PHACTR1: variants seen among roughly 807,000 people sequenced by gnomAD.
PHACTR1 encodes the protein RPEL repeat containing 1.
A neutral mutation model predicts 69.2 loss-of-function variants in PHACTR1; 16 were observed. The observed-to-expected ratio is 0.23, with a 90% CI of 0.16 to 0.35. The LOEUF (loss-of-function observed/expected upper bound fraction) is 0.35, where lower values mean the gene tolerates loss of function less well. Ranked by LOEUF, PHACTR1 falls within the 10% of genes least tolerant of loss-of-function variation. The pLI is 1.00. For missense variants in PHACTR1, 510 were observed against 734.7 expected (o/e 0.69, Z 3.54); for synonymous variants, 312 against 284.5 (o/e 1.10, Z -0.97).
intron 4 of PHACTR1, among the ~76,000 whole-genome samples, chr6:12,792,293 C>T (rs941772710): frequency 2.0e-5 from 3 of 151,024 alleles, no homozygotes; most frequent in South Asian, 2.1e-4. Context: ...GGAGAAACCC[C>T]GTCTCTACCA....
chr6:12,963,604 C>T (rs1165636569), intron 4 of PHACTR1, among the ~76,000 whole-genome samples: 2 of 152,114 alleles, frequency 1.3e-5, no homozygotes, highest in Admixed American at 1.3e-4. Flanking sequence ...GGATTTGTTC[C>T]CTGGGAGTTA....
chr6:13,237,812 A>C (rs1474063642), intron 10 of PHACTR1, among the ~76,000 whole-genome samples: 2 of 152,238 alleles, frequency 1.3e-5, no homozygotes, highest in Non-Finnish European at 2.9e-5. Context: ...TTGCTCCTCA[A>C]CTACAAACCT....
intron 5 of PHACTR1, among the ~76,000 whole-genome samples, chr6:13,067,129 A>G (rs1025907487): frequency 6.6e-6 from 1 of 152,218 alleles, no homozygotes; most frequent in African/African-American, 2.4e-5. Flanking sequence ...CAGCAGGAGC[A>G]ATCTTCTGTT....
At chr6:12,941,745 A>C (rs919149429) in intron 4 of PHACTR1, among the ~76,000 whole-genome samples, 5 of 152,192 alleles carry the variant, frequency 3.3e-5, no homozygotes, top group Non-Finnish European at 5.9e-5. Flanking sequence ...GTCAGAGCCC[A>C]GGGCAGATTC....
intron 6 of PHACTR1, among the ~76,000 whole-genome samples, chr6:13,177,997 C>T (rs55866305): frequency 0.017 from 2,580 of 152,304 alleles, 80 homozygotes; most frequent in African/African-American, 0.059. Context: ...ACTCTCCTAA[C>T]ATCTTTGTTT....
chr6:12,958,080 T>C, intron 4 of PHACTR1: 1 of 931,216 alleles, frequency 1.1e-6, no homozygotes, highest in Non-Finnish European at 1.3e-6. Context: ...CTTTTGTTTA[T>C]TTGTTAGATG....
intron 4 of PHACTR1, among the ~76,000 whole-genome samples, chr6:12,789,104 C>T (rs1315182576): frequency 1.3e-5 from 2 of 152,180 alleles, no homozygotes; most frequent in Admixed American, 6.5e-5. Context: ...CTCGTTTCCT[C>T]TTGAATCACC....
rs117753984 is a variant in PHACTR1 at position 12,788,248 on chromosome 6, A to G, written c.250+38458A>G. Among the ~76,000 whole-genome samples, 175 of 117,314 alleles carry G rather than the reference A, an allele frequency of 1.5e-3. 3 individuals carry two copies. The East Asian group carries it at 0.033, about 22-fold the overall frequency. 77.0% of individuals were successfully genotyped at this position (117,314 alleles called of 152,430 possible). A position where few individuals can be genotyped will look rare whatever the true frequency, so the allele number is the denominator to read the frequency against. On this transcript the variant is annotated intron_variant, in intron 4 of 14. Transcript: ENST00000332995. ...CCCAAGTTCCCTACCTCATCAGCTG[A>G]TGTAACTAAGTGGTGATATTTCCAA...
chr6:13,262,728 C>T (rs1294353529), intron 10 of PHACTR1, among the ~76,000 whole-genome samples: 29 of 152,208 alleles, frequency 1.9e-4, no homozygotes, highest in Admixed American at 1.6e-3. Context: ...ATCTACACTT[C>T]TGGATACCTG....
chr6:12,854,926 G>T (rs1015013424), intron 4 of PHACTR1, among the ~76,000 whole-genome samples: 2 of 152,274 alleles, frequency 1.3e-5, no homozygotes, highest in African/African-American at 4.8e-5. Flanking sequence ...GGGAATATAC[G>T]TTGTTGGTGG....
chr6:12,937,349 T>G (rs1300968704), intron 4 of PHACTR1, among the ~76,000 whole-genome samples: 1 of 152,038 alleles, frequency 6.6e-6, no homozygotes, highest in Non-Finnish European at 1.5e-5. Flanking sequence ...ACATACTAAT[T>G]GAGTGGATTT....
intron 7 of PHACTR1, among the ~76,000 whole-genome samples, chr6:13,190,198 A>ATCTTTTTT (rs1763358156): frequency 1.1e-5 from 1 of 87,266 alleles, no homozygotes. Flanking sequence ...TAATTTTTGT[A>ATCTTTTTT]TTTTTTTTTT....
chr6:13,005,906 G>C (rs2127634454), intron 4 of PHACTR1, among the ~76,000 whole-genome samples: 1 of 152,108 alleles, frequency 6.6e-6, no homozygotes, highest in East Asian at 1.9e-4. Context: ...CTCACACTTG[G>C]AAAAAGGGCC....
intron 4 of PHACTR1, among the ~76,000 whole-genome samples, chr6:12,892,311 C>T (rs1784235673): frequency 6.6e-6 from 1 of 152,198 alleles, no homozygotes; most frequent in Admixed American, 6.5e-5. Context: ...ATTTATCATA[C>T]AATGCATTTA....
chr6:12,946,434 A>C (rs1790681133), intron 4 of PHACTR1, among the ~76,000 whole-genome samples: 1 of 152,212 alleles, frequency 6.6e-6, no homozygotes, highest in Non-Finnish European at 1.5e-5. Context: ...GATATGAGCG[A>C]TTTGCAAATG....
chr6:12,755,685 T>G (rs894855228), intron 4 of PHACTR1, among the ~76,000 whole-genome samples: 2 of 152,080 alleles, frequency 1.3e-5, no homozygotes, highest in African/African-American at 4.8e-5. Context: ...TATAATAGAG[T>G]AAGATATTAA....
At chr6:12,718,645 T>TAC (rs1761705940) in intron 2 of PHACTR1, 54 bp from the exon 3 acceptor site, 3 of 517,194 alleles carry the variant, frequency 5.8e-6, no homozygotes, top group Non-Finnish European at 6.9e-6. Flanking sequence ...CATCTATATA[T>TAC]ACACTTTATA....
intron 4 of PHACTR1, among the ~76,000 whole-genome samples, chr6:12,781,074 C>T (rs1444039695): frequency 6.6e-6 from 1 of 152,206 alleles, no homozygotes; most frequent in Non-Finnish European, 1.5e-5. Flanking sequence ...CTTCTCAACT[C>T]AGGATGCAGA....
intron 12 of PHACTR1, among the ~76,000 whole-genome samples, chr6:13,282,748 C>G (rs1031018485): frequency 3.7e-5 from 5 of 135,324 alleles, no homozygotes; most frequent in Non-Finnish European, 7.4e-5. Context: ...GATGTGGATT[C>G]ACAAATCCAA....
Sources: gnomAD v4.1 joint callset for allele counts (sites outside exome capture counted in the v4.1 genomes callset) on GRCh38, gnomAD v4.1.1 for gene constraint, MANE v1.5 for transcripts, NCBI Gene and HGNC (gene_info 2026-07-23, HGNC 2026-07-21) for gene names.